PIWIL2: variants seen among roughly 807,000 people sequenced by gnomAD.
PIWIL2 encodes piwi-like protein 2.
A neutral mutation model predicts 116.5 loss-of-function variants in PIWIL2; 81 were observed. The ratio of observed to expected loss-of-function variants is 0.70; its 90% CI spans 0.58 to 0.84. PIWIL2 has a LOEUF of 0.84. Among genes scored for constraint, PIWIL2 ranks in the 40% least tolerant of loss-of-function variants. PIWIL2 has a pLI of 0.00. For missense variants in PIWIL2, 1,272 were observed against 1,212.3 expected (o/e 1.05, Z -0.73); for synonymous variants, 489 against 429.5 (o/e 1.14, Z -1.71).
rs533021097 is a variant in PIWIL2 at position 22,315,906 on chromosome 8, A to G, written c.2209-339A>G. Among the ~76,000 whole-genome samples the G allele has an allele frequency of 2.0e-4, 30 of 152,290 alleles. No homozygotes were observed. The South Asian group carries it at 6.2e-3, about 32-fold the overall frequency. On this transcript the variant is annotated intron_variant, in intron 18 of 22. Transcript: ENST00000356766. ...CCAAATTCAAAAATCTGCAATCTGA[A>G]ACACTCCAAAATCTGAAACTCTTTG...
At position 22,287,552 on chromosome 8, in the gene PIWIL2, G is replaced by T. The variant is rs1391447225; in HGVS notation, c.768G>T (p.Met256Ile). The change falls in exon 7 of 23, where the codon ATG (methionine) becomes ATT (isoleucine). Residue 256 changes from methionine to isoleucine, a missense_variant. Coordinates refer to ENST00000356766, the MANE Select transcript of PIWIL2 (RefSeq NM_018068.5). ...TFSPNVECKS[M>I]RFGMLKDHQA... ...GCCCCAATGTGGAGTGCAAAAGCATGAGGTTCGGCATGTTGAAGGACCATC... is the reference window on the plus strand; with the variant it reads ...GCCCCAATGTGGAGTGCAAAAGCATTAGGTTCGGCATGTTGAAGGACCATC... 1.9e-6 allele frequency: 3 copies of T among 1,613,310 alleles called. No individual in the cohort carries two copies. The highest frequency in any genetic ancestry group is 2.5e-6 in the Non-Finnish European group (3 of 1,179,326).
chr8:22,289,849 T>A lies in PIWIL2; in HGVS notation c.989T>A (p.Val330Glu). 6.3e-7 allele frequency: 1 copy of A among 1,589,756 alleles called. No individual in the cohort carries two copies. The highest frequency in any genetic ancestry group is 8.6e-7 in the Non-Finnish European group (1 of 1,158,176). Residue 330 changes from valine (V) to glutamate (E), a missense_variant and splice_region_variant, in exon 9 of 23, where the codon GTA (valine) becomes GAA (glutamate). Transcript: ENST00000356766. ...IPFYNVVFRR[V>E]MKLLDMKLVG... ...CTCATACTTGCTTTTTATTTCAGGG[T>A]AATGAAACTTTTAGATATGAAGCTT... is the stretch of plus-strand genomic sequence containing the variant.
rs183327910 is a variant in PIWIL2 at position 22,345,710 on chromosome 8, T to C, written c.2404-7249T>C. 1.8e-4 allele frequency among the ~76,000 whole-genome samples: 27 copies of C among 152,150 alleles called. 1 individual carries two copies. The highest frequency in any genetic ancestry group is 6.5e-4 in the African/African-American group (27 of 41,516). On this transcript the variant is annotated intron_variant, in intron 20 of 22. Coordinates refer to ENST00000356766, the MANE Select transcript of PIWIL2 (RefSeq NM_018068.5). Reference sequence around the variant, plus strand: ...TAAAAACCCACAAATGTCCACAAATTGATGAATGGACAAACAAAATGTGAC... The same window carrying C: ...TAAAAACCCACAAATGTCCACAAATCGATGAATGGACAAACAAAATGTGAC...
intron 20 of PIWIL2, among the ~76,000 whole-genome samples, chr8:22,346,046 A>G (rs1431421902): frequency 6.6e-6 from 1 of 152,088 alleles, no homozygotes; most frequent in African/African-American, 2.4e-5. Flanking sequence ...ATAAAAAACC[A>G]TTTAATTGTA....
chr8:22,299,600 C>G (rs894111366), intron 10 of PIWIL2, among the ~76,000 whole-genome samples: 3 of 152,110 alleles, frequency 2.0e-5, no homozygotes, highest in Non-Finnish European at 4.4e-5. Flanking sequence ...TTATTCTGTT[C>G]CATTAATTTC....
chr8:22,328,799 G>C (rs1219176948), intron 20 of PIWIL2, among the ~76,000 whole-genome samples: 1 of 140,776 alleles, frequency 7.1e-6, no homozygotes, highest in Admixed American at 7.2e-5. Flanking sequence ...TTTTCTGAAT[G>C]TGGTTATGAG....
intron 10 of PIWIL2, among the ~76,000 whole-genome samples, chr8:22,303,659 G>A (rs959428128): frequency 6.6e-6 from 1 of 152,170 alleles, no homozygotes; most frequent in Admixed American, 6.5e-5. Flanking sequence ...CTCTCGAATA[G>A]CTGGGACTAC....
At chr8:22,290,200 AAATCCT>A (rs752740855) in intron 9 of PIWIL2, 27 bp from the exon 10 acceptor site, 2 of 1,356,970 alleles carry the variant, frequency 1.5e-6, no homozygotes, top group East Asian at 2.3e-5. Context: ...TGTTCTTTGA[AAATCCT>A]ACAGTTGAGA....
intron 7 of PIWIL2, 36 bp downstream of exon 7, chr8:22,287,681 C>A: frequency 1.6e-6 from 2 of 1,268,960 alleles, no homozygotes; most frequent in Non-Finnish European, 2.3e-6. Flanking sequence ...TGAGATGAAC[C>A]CTAAGAGTGC....
rs71544885 is a variant in PIWIL2, at chr8:22,351,440, CATATATATATATATATATATAT to C, written c.2404-1497_2404-1476del. Among the ~76,000 whole-genome samples the C allele has an allele frequency of 7.4e-4, 39 of 52,958 alleles. 1 individual carries two copies. The highest frequency in any genetic ancestry group is 1.4e-3 in the Admixed American group (6 of 4,332). The allele number at this position is 52,958 out of a possible 152,430, so 34.7% of individuals were successfully genotyped here. A position where few individuals can be genotyped will look rare whatever the true frequency, so the allele number is the denominator to read the frequency against. ...ACCTGTAAGGAACAGTGCATACATA[CATATATATATATATATATATAT>C]ATATATATATATATATATATAATTT... is the stretch of plus-strand genomic sequence containing the variant. On this transcript the variant is annotated intron_variant, in intron 20 of 22. Transcript: ENST00000356766.
At chr8:22,287,759 G>A (rs1477839340) in intron 7 of PIWIL2, 114 bp downstream of exon 7, 11 of 713,650 alleles carry the variant, frequency 1.5e-5, no homozygotes, top group African/African-American at 6.9e-5. Context: ...GACTGGTCTC[G>A]AATTCCCAAA....
rs368692793 is a variant in PIWIL2, at chr8:22,316,291, G to A, written c.2255G>A (p.Arg752Lys). Residue 752 changes from arginine (R) to lysine (K), a missense_variant, in exon 19 of 23, where the codon AGA (arginine) becomes AAA (lysine). Physicochemically the swap from Arg to Lys is conservative, Grantham distance 26 (BLOSUM62 2). Transcript: ENST00000356766. ...IGMDVYHDPS[R>K]GMRSVVGFVA... ...ATGGATGTTTACCATGACCCCAGTA[G>A]AGGCATGCGCTCCGTGGTTGGCTTC... is the stretch of plus-strand genomic sequence containing the variant. 6.2e-6 allele frequency: 10 copies of A among 1,613,382 alleles called. No homozygotes were observed. The African/African-American group carries it at 1.2e-4, about 19-fold the overall frequency.
chr8:22,300,840 TTTGGGTTG>T (rs2132023667), intron 10 of PIWIL2, among the ~76,000 whole-genome samples: 1 of 152,326 alleles, frequency 6.6e-6, no homozygotes, highest in South Asian at 2.1e-4. Context: ...ATTTTAAATA[TTTGGGTTG>T]TTGTTTTTAC....
intron 20 of PIWIL2, among the ~76,000 whole-genome samples, chr8:22,331,702 A>G (rs1831865745): frequency 6.6e-6 from 1 of 152,114 alleles, no homozygotes; most frequent in Non-Finnish European, 1.5e-5. Flanking sequence ...ATTTCCTCAC[A>G]GTTTCGGAAG....
Position 22,318,200 on chromosome 8 carries a change from G to T in PIWIL2, c.2328G>T (p.Val776=). The T allele has an allele frequency of 6.2e-7, 1 of 1,613,400 alleles. No individual in the cohort carries two copies. Among genetic ancestry groups the T allele is most frequent in the Non-Finnish European group, 8.5e-7 (1 of 1,179,372 alleles). ...TCACAAAATGGTATTCCCGGGTGGT[G>T]TTCCAGATGCCGCATCAGGAGATTG... is the stretch of plus-strand genomic sequence containing the variant. ...LTLTKWYSRV[V]FQMPHQEIVD... is the part of the protein sequence containing the mutation. Residue 776 remains valine, a synonymous_variant, in exon 20 of 23, where the codon GTG becomes GTT. Coordinates refer to ENST00000356766, the MANE Select transcript of PIWIL2 (RefSeq NM_018068.5).
At chr8:22,285,531 A>C (rs1434027569) in intron 6 of PIWIL2, among the ~76,000 whole-genome samples, 2 of 152,182 alleles carry the variant, frequency 1.3e-5, no homozygotes, top group Non-Finnish European at 2.9e-5. Context: ...GGGAGTGCAC[A>C]TATATCTCTT....
chr8:22,312,312 T>G (rs993771036), intron 16 of PIWIL2, among the ~76,000 whole-genome samples: 3 of 151,802 alleles, frequency 2.0e-5, no homozygotes, highest in Non-Finnish European at 4.4e-5. Flanking sequence ...GTCACCCATG[T>G]GGAGTACACT....
chr8:22,291,073 A>G (rs1295729030), intron 10 of PIWIL2, among the ~76,000 whole-genome samples: 1 of 151,508 alleles, frequency 6.6e-6, no homozygotes. Flanking sequence ...GGTTCAAGTG[A>G]TTCTCCTGCC....
chr8:22,317,636 C>CT (rs1233163432), intron 19 of PIWIL2, among the ~76,000 whole-genome samples: 1 of 151,704 alleles, frequency 6.6e-6, no homozygotes, highest in Non-Finnish European at 1.5e-5. Flanking sequence ...CACAATTACA[C>CT]TTTTTTTAAA....
Sources: gnomAD v4.1 joint callset for allele counts (sites outside exome capture counted in the v4.1 genomes callset) on GRCh38, gnomAD v4.1.1 for gene constraint, MANE v1.5 for transcripts, NCBI Gene and HGNC (gene_info 2026-07-23, HGNC 2026-07-21) for gene names.